Variants in PDXDC1 observed in about 807,000 individuals in gnomAD.
PDXDC1 encodes the protein pyridoxal dependent decarboxylase domain containing 1.
PDXDC1 carries 42 observed loss-of-function variants against 100.1 expected under a neutral mutation model. The ratio of observed to expected loss-of-function variants is 0.42; its 90% CI spans 0.33 to 0.54. The LOEUF (loss-of-function observed/expected upper bound fraction) is 0.54, where lower values mean the gene tolerates loss of function less well. Among genes scored for constraint, PDXDC1 ranks in the 20% least tolerant of loss-of-function variants. PDXDC1 has a pLI of 0.10. For missense variants in PDXDC1, 636 were observed against 979.2 expected (o/e 0.65, Z 4.68); for synonymous variants, 260 against 371.7 (o/e 0.70, Z 3.46).
At chr16:15,139,996 C>T (rs2048439963), downstream of PDXDC1, among the ~76,000 whole-genome samples, 1 of 142,106 alleles carries the variant, frequency 7.0e-6, no homozygotes, top group Non-Finnish European at 1.5e-5. Flanking sequence ...ACTCTGGAGG[C>T]TGAGGCAGGA....
chr16:15,070,817 AT>A (rs2045191543), intron 16 of PDXDC1, among the ~76,000 whole-genome samples: 1 of 152,106 alleles, frequency 6.6e-6, no homozygotes, highest in Admixed American at 6.6e-5. Flanking sequence ...AAATGAAAAA[AT>A]GACAAACCTA....
chr16:15,062,111 C>A (rs1241018504), intron 16 of PDXDC1, among the ~76,000 whole-genome samples: 4 of 152,154 alleles, frequency 2.6e-5, no homozygotes, highest in African/African-American at 9.7e-5. Flanking sequence ...CTCAAGAGTT[C>A]CGAATCCAGC....
downstream of PDXDC1, among the ~76,000 whole-genome samples, chr16:15,143,270 G>A (rs1405931461): frequency 2.0e-5 from 3 of 152,096 alleles, no homozygotes; most frequent in African/African-American, 7.2e-5. Context: ...CACAGTACGG[G>A]TCTTCACCCC....
At chr16:15,149,884 T>C in the PDXDC1 span, among the ~76,000 whole-genome samples, 1 of 151,956 alleles carries the variant, frequency 6.6e-6, no homozygotes, top group East Asian at 1.9e-4. Context: ...GGATGTCGGC[T>C]CCAACGACCA....
At chr16:15,029,019 C>T (rs761213194) in intron 15 of PDXDC1, 53 bp downstream of exon 15, 70 of 1,562,846 alleles carry the variant, frequency 4.5e-5, no homozygotes, top group East Asian at 1.4e-4. Context: ...CATCACCATC[C>T]GACCTGCTGG....
chr16:15,080,767 C>A (rs531483439), intron 16 of PDXDC1, among the ~76,000 whole-genome samples: 1 of 152,102 alleles, frequency 6.6e-6, no homozygotes, highest in East Asian at 1.9e-4. Context: ...AATCCTACAT[C>A]CATTAGTGCA....
intron 1 of PDXDC1, among the ~76,000 whole-genome samples, chr16:14,984,866 A>G (rs556243349): frequency 6.6e-6 from 1 of 152,318 alleles, no homozygotes; most frequent in South Asian, 2.1e-4. Context: ...GTGTGTTTTC[A>G]AAAGATGAAA....
chr16:15,127,405 T>A, intron 16 of PDXDC1: 1 of 1,330,656 alleles, frequency 7.5e-7, no homozygotes, highest in South Asian at 1.3e-5. Context: ...AAGTGGCGGC[T>A]CTGGGCATGG....
intron 14 of PDXDC1, among the ~76,000 whole-genome samples, chr16:15,027,479 G>C (rs1017459448): frequency 6.6e-6 from 1 of 152,282 alleles, no homozygotes; most frequent in Non-Finnish European, 1.5e-5. Flanking sequence ...AGGACAGAGG[G>C]ATTAATGTAT....
chr16:14,997,693 T>C (rs1972286376), intron 1 of PDXDC1, 60 bp from the exon 2 acceptor site: 2 of 1,489,058 alleles, frequency 1.3e-6, no homozygotes, highest in African/African-American at 2.9e-5. Context: ...CTGGGTGAAT[T>C]GTGTTATAGA....
In PDXDC1 at chr16:15,038,186, C is replaced by T. The variant is rs1320193907; in HGVS notation, c.*1911C>T. 1 of 1,612,682 alleles carries T rather than the reference C, an allele frequency of 6.2e-7. No individual in the cohort carries two copies. The highest frequency in any genetic ancestry group is 1.1e-5 in the South Asian group (1 of 90,634). ...ATATGTTCAACAAAGTGGGGTGGCT[C>T]AGCCAGAGGCGAAGTGGAAAGATTC... On this transcript the variant is annotated 3_prime_UTR_variant, in exon 23 of 23. Coordinates refer to ENST00000396410, the MANE Select transcript of PDXDC1 (RefSeq NM_015027.4).
chr16:15,001,298 G>A (rs1304282599), intron 3 of PDXDC1, among the ~76,000 whole-genome samples: 1 of 152,266 alleles, frequency 6.6e-6, no homozygotes, highest in Non-Finnish European at 1.5e-5. Context: ...AGACCAGTCT[G>A]GCCAACATGG....
At chr16:15,082,120 G>A (rs754853173) in intron 16 of PDXDC1, among the ~76,000 whole-genome samples, 4 of 152,094 alleles carry the variant, frequency 2.6e-5, no homozygotes, top group Non-Finnish European at 5.9e-5. Flanking sequence ...TAACTGCCTT[G>A]GCTAGACAAG....
rs371218133 is a variant in PDXDC1 at position 15,017,191 on chromosome 16, A to T, written c.861+23A>T. On this transcript the variant is annotated intron_variant, in intron 10 of 22. Transcript: ENST00000396410. Reference sequence around the variant, plus strand: ...CTGGTATGTTGTTGATTTACTGAATATTGGTGTTTTTAAGAATGAATTTAA... The same window carrying T: ...CTGGTATGTTGTTGATTTACTGAATTTTGGTGTTTTTAAGAATGAATTTAA... The T allele has an allele frequency of 6.2e-6, 10 of 1,612,576 alleles. No homozygotes were observed. The East Asian group carries it at 2.2e-4, about 36-fold the overall frequency.
intron 16 of PDXDC1, among the ~76,000 whole-genome samples, chr16:15,117,711 A>G (rs1232045058): frequency 8.6e-6 from 1 of 116,492 alleles, no homozygotes; most frequent in Non-Finnish European, 1.8e-5. Flanking sequence ...AAAAGAAAAA[A>G]AAAAAAAAAA....
chr16:15,022,791 C>CT, intron 13 of PDXDC1, 37 bp downstream of exon 13: 3 of 1,528,072 alleles, frequency 2.0e-6, no homozygotes, highest in South Asian at 1.2e-5. Context: ...CAAAATATAA[C>CT]TTTTTTTGAA....
chr16:14,990,505 G>A (rs1242446556), intron 1 of PDXDC1, among the ~76,000 whole-genome samples: 2 of 152,274 alleles, frequency 1.3e-5, no homozygotes, highest in African/African-American at 4.8e-5. Context: ...AGTTTTAAGG[G>A]ATCAGTTAAT....
At chr16:14,989,688 C>G in intron 1 of PDXDC1, 1 of 1,561,338 alleles carries the variant, frequency 6.4e-7, no homozygotes, top group Non-Finnish European at 8.6e-7. Context: ...ACCTGGGGAC[C>G]CCAGCTGCAG....
intron 1 of PDXDC1, among the ~76,000 whole-genome samples, chr16:14,978,294 T>A (rs1422108179): frequency 6.6e-6 from 1 of 152,292 alleles, no homozygotes; most frequent in Non-Finnish European, 1.5e-5. Flanking sequence ...CAGTGTGTAC[T>A]TATGTTAATA....
Sources: allele counts gnomAD v4.1 joint callset (sites outside exome capture counted in the v4.1 genomes callset), GRCh38; gene constraint gnomAD v4.1.1; transcripts MANE v1.5; gene names NCBI Gene and HGNC (gene_info 2026-07-23, HGNC 2026-07-21).